The following NCEH1 variants were observed in gnomAD, a reference collection of about 807,000 sequenced individuals.
NCEH1 encodes neutral cholesterol ester hydrolase 1.
A neutral mutation model predicts 25.4 loss-of-function variants in NCEH1; 9 were observed. The observed-to-expected ratio is 0.35, with a 90% CI of 0.21 to 0.62. The LOEUF is 0.62. Ranked by LOEUF, NCEH1 falls within the 20% of genes least tolerant of loss-of-function variation. The pLI, the probability that NCEH1 is intolerant of heterozygous loss-of-function variation, is 0.72. For synonymous variants in NCEH1, 200 were observed against 199.8 expected, an observed-to-expected ratio of 1.00 and a Z score of -0.01; for missense variants, 412 against 501.1, an observed-to-expected ratio of 0.82 and a Z score of 1.70.
chr3:172,637,410 T>C (rs985982545), intron 3 of NCEH1, among the ~76,000 whole-genome samples: 5 of 152,178 alleles, frequency 3.3e-5, no homozygotes, highest in African/African-American at 1.2e-4. Context: ...ACAAACTAAT[T>C]TTTTCTAAGC....
rs1314432892 is a variant in NCEH1, at chr3:172,632,694, CTCTAAA to C, written c.*775_*780del. The C allele has an allele frequency of 1.3e-5, 2 of 152,520 alleles. No individual in the cohort carries two copies. The highest frequency in any genetic ancestry group is 2.9e-5 in the Non-Finnish European group (2 of 68,006). 9.4% of individuals were successfully genotyped at this position (152,520 alleles called of 1,614,324 possible). A position where few individuals can be genotyped will look rare whatever the true frequency, so the allele number is the denominator to read the frequency against. Reference sequence around the variant, plus strand: ...TACTTGCTCTATAATGAAAAGTTTACTCTAAATCTAAATAAGTTTGCTCCCAAATAT... The same window carrying C: ...TACTTGCTCTATAATGAAAAGTTTACTCTAAATAAGTTTGCTCCCAAATAT... On this transcript the variant is annotated 3_prime_UTR_variant, in exon 5 of 5. Transcript: ENST00000475381.
chr3:172,655,808 A>G (rs999143449), intron 1 of NCEH1, among the ~76,000 whole-genome samples: 1 of 152,212 alleles, frequency 6.6e-6, no homozygotes, highest in Non-Finnish European at 1.5e-5. Flanking sequence ...TAATTTGCTC[A>G]GGTAAAGTTG....
intron 1 of NCEH1, among the ~76,000 whole-genome samples, chr3:172,701,616 G>GTTTTTTTTTTTTTT (rs60219751): frequency 1.1e-4 from 12 of 110,730 alleles, no homozygotes; most frequent in African/African-American, 2.2e-4. Context: ...TGCCCAGCTA[G>GTTTTTTTTTTTTTT]TTTTTTTTTT....
At position 172,645,624 on chromosome 3, in the gene NCEH1, C is replaced by A; in HGVS notation, c.436G>T (p.Glu146Ter). The change falls in exon 3 of 5, where the codon GAA (glutamate) becomes TAA (stop). Residue 146 changes from glutamate to a stop codon, truncating the protein, a stop_gained and splice_region_variant. Transcript: ENST00000475381. LOFTEE classifies it high-confidence loss of function. ...EELNAVIVSI[E>*]YRLVPKVYFP... The stretch of plus-strand genomic sequence containing the variant: ...CTATGACTAGCATTAATTACTTACT[C>A]AATGGAAACAATGACAGCATTCAAT... 1.9e-6 allele frequency: 3 copies of A among 1,584,236 alleles called. No homozygotes were observed. Among genetic ancestry groups the A allele is most frequent in the South Asian group, 2.3e-5 (2 of 87,552 alleles).
chr3:172,650,272 G>A (rs1311587242), intron 1 of NCEH1, among the ~76,000 whole-genome samples: 3 of 152,066 alleles, frequency 2.0e-5, no homozygotes, highest in African/African-American at 4.8e-5. Flanking sequence ...GGAGGCCAAG[G>A]CAGGCAGATC....
chr3:172,698,406 A>G (rs1048662672), intron 1 of NCEH1, among the ~76,000 whole-genome samples: 1 of 152,346 alleles, frequency 6.6e-6, no homozygotes, highest in South Asian at 2.1e-4. Context: ...ACCTTGGGAC[A>G]AAGTGACTTT....
intron 1 of NCEH1, among the ~76,000 whole-genome samples, chr3:172,654,389 A>G (rs1001220483): frequency 1.3e-5 from 2 of 152,256 alleles, no homozygotes; most frequent in African/African-American, 2.4e-5. Flanking sequence ...GCCCTTTATG[A>G]GTCAGTTATC....
intron 1 of NCEH1, among the ~76,000 whole-genome samples, chr3:172,648,853 G>A (rs1717258768): frequency 6.6e-6 from 1 of 152,070 alleles, no homozygotes; most frequent in Non-Finnish European, 1.5e-5. Context: ...TTTGGTTGCA[G>A]AAGGAACATA....
At chr3:172,644,661 T>C (rs1231300279) in intron 3 of NCEH1, among the ~76,000 whole-genome samples, 1 of 152,202 alleles carries the variant, frequency 6.6e-6, no homozygotes, top group African/African-American at 2.4e-5. Flanking sequence ...TATCAAAATA[T>C]CTTGGATGTT....
chr3:172,651,405 A>C (rs1717399699), intron 1 of NCEH1, among the ~76,000 whole-genome samples: 1 of 152,114 alleles, frequency 6.6e-6, no homozygotes, highest in Non-Finnish European at 1.5e-5. Flanking sequence ...TTAGCTCTTC[A>C]CATTACTCTC....
At chr3:172,680,069 C>T (rs185280826) in intron 1 of NCEH1, among the ~76,000 whole-genome samples, 1 of 152,252 alleles carries the variant, frequency 6.6e-6, no homozygotes, top group African/African-American at 2.4e-5. Context: ...AATTATTGGG[C>T]CCTAACTCCG....
rs1716451107 is a variant in NCEH1, at chr3:172,633,369, G to A, written c.*106C>T. On this transcript the variant is annotated 3_prime_UTR_variant, in exon 5 of 5. Transcript: ENST00000475381. The stretch of plus-strand genomic sequence containing the variant: ...GGAATAGAAATTCCATAACTCGCAA[G>A]TAGAGGGGAATGGGAGGAAGAATTA... 9.4e-7 allele frequency: 1 copy of A among 1,066,000 alleles called. No individual in the cohort carries two copies. Among genetic ancestry groups the A allele is most frequent in the South Asian group, 1.6e-5 (1 of 64,114 alleles). The allele number at this position is 1,066,000 out of a possible 1,614,324, so 66.0% of individuals were successfully genotyped here. A position where few individuals can be genotyped will look rare whatever the true frequency, so the allele number is the denominator to read the frequency against.
chr3:172,710,850 T>C lies in NCEH1; in HGVS notation c.135A>G (p.Gln45=). The change falls in exon 1 of 5, where the codon CAA becomes CAG. Residue 45 remains glutamine, a synonymous_variant. Transcript: ENST00000475381. ...LLDATFRGAQ[Q]VSNLIHYLGL... ...GCAGCGCTGGGCTGCACCTCACCAC[T>C]TGCTGTGCACCCCGGAAAGTGGCGT... The C allele has an allele frequency of 1.2e-6, 2 of 1,613,974 alleles. No homozygotes were observed. The highest frequency in any genetic ancestry group is 1.7e-6 in the Non-Finnish European group (2 of 1,179,974).
chr3:172,678,423 T>C (rs1254463874), intron 1 of NCEH1, among the ~76,000 whole-genome samples: 2 of 150,856 alleles, frequency 1.3e-5, no homozygotes, highest in East Asian at 3.9e-4. Flanking sequence ...CACAATGGAG[T>C]GTTTAAATCT....
At chr3:172,707,035 G>A (rs976811521) in intron 1 of NCEH1, among the ~76,000 whole-genome samples, 2 of 151,774 alleles carry the variant, frequency 1.3e-5, no homozygotes, top group Admixed American at 6.6e-5. Flanking sequence ...GAGGGATTAC[G>A]GGGTCAAAAA....
intron 1 of NCEH1, among the ~76,000 whole-genome samples, chr3:172,679,005 C>T (rs899805902): frequency 8.5e-5 from 13 of 152,190 alleles, no homozygotes; most frequent in African/African-American, 1.7e-4. Context: ...TATAACCTGA[C>T]GCATCCACCC....
rs111513352 is a variant in NCEH1 at position 172,637,990 on chromosome 3, T to C, written c.438-1903A>G. 9.7e-3 allele frequency among the ~76,000 whole-genome samples: 1,479 copies of C among 152,204 alleles called. 21 individuals carry two copies. The highest frequency in any genetic ancestry group is 0.033 in the African/African-American group (1,378 of 41,540). On this transcript the variant is annotated intron_variant, in intron 3 of 4. Transcript: ENST00000475381. ...TGAACCCAGGAAGTGGAAGTTGCAGTGAGCTGAGATCGAAAGAACAAGACC... is the reference window on the plus strand; with the variant it reads ...TGAACCCAGGAAGTGGAAGTTGCAGCGAGCTGAGATCGAAAGAACAAGACC...
chr3:172,637,570 T>C (rs1325054341), intron 3 of NCEH1, among the ~76,000 whole-genome samples: 1 of 151,406 alleles, frequency 6.6e-6, no homozygotes, highest in Non-Finnish European at 1.5e-5. Flanking sequence ...CTGGCCAACA[T>C]GGTGAAACCC....
intron 3 of NCEH1, among the ~76,000 whole-genome samples, chr3:172,644,905 A>G (rs1340525766): frequency 6.6e-6 from 1 of 151,942 alleles, no homozygotes. Flanking sequence ...GAGAGAAATG[A>G]AACAGAGGAA....
Sources: allele counts gnomAD v4.1 joint callset (sites outside exome capture counted in the v4.1 genomes callset), GRCh38; gene constraint gnomAD v4.1.1; transcripts MANE v1.5; gene names NCBI Gene and HGNC (gene_info 2026-07-23, HGNC 2026-07-21).